Variants in S1PR1 observed in about 807,000 individuals in gnomAD.
The protein encoded by S1PR1 is sphingosine 1-phosphate receptor 1.
Under a neutral mutation model 18.3 loss-of-function variants are expected in S1PR1, and 2 were observed. The observed-to-expected ratio is 0.11, with a 90% CI of 0.04 to 0.34. S1PR1 has a LOEUF of 0.34. S1PR1 is among the 10% of genes least tolerant of loss of function. The pLI is 1.00. For synonymous variants in S1PR1, 222 were observed against 211.2 expected, an observed-to-expected ratio of 1.05 and a Z score of -0.44; for missense variants, 335 against 493.8, an observed-to-expected ratio of 0.68 and a Z score of 3.05.
chr1:101,239,806 C>T lies in S1PR1; in HGVS notation c.822C>T (p.Ile274=), dbSNP rs1169278619. The change falls in exon 2 of 2, where the codon ATC becomes ATT. Residue 274 remains isoleucine (I), a synonymous_variant. Transcript: ENST00000305352. This position sits in a 1 kb window ranked among gnomAD's most constrained non-coding sequence, Gnocchi z 6.3. The part of the protein sequence containing the change: ...VFIACWAPLF[I]LLLLDVGCKV... Reference sequence around the variant, plus strand: ...TCGCCTGCTGGGCACCGCTCTTCATCCTGCTCCTGCTGGATGTGGGCTGCA... The same window carrying T: ...TCGCCTGCTGGGCACCGCTCTTCATTCTGCTCCTGCTGGATGTGGGCTGCA... The T allele has an allele frequency of 6.2e-7, 1 of 1,613,660 alleles. No individual in the cohort carries two copies. Among genetic ancestry groups the T allele is most frequent in the Non-Finnish European group, 8.5e-7 (1 of 1,180,040 alleles).
At chr1:101,237,201 A>C (rs962268121) in intron 1 of S1PR1, 102 bp downstream of exon 1, 3 of 152,274 alleles carry the variant, frequency 2.0e-5, no homozygotes, top group Non-Finnish European at 4.4e-5. Context: ...GGCAAACAAA[A>C]ACTTAGAAAA....
rs761453380 is a variant in S1PR1 at position 101,239,676 on chromosome 1, G to A, written c.692G>A (p.Arg231Gln). The change falls in exon 2 of 2, where the codon CGG (arginine) becomes CAG (glutamine). Residue 231 changes from arginine to glutamine, a missense_variant. Around this residue, in one of 3 missense-constraint regions of S1PR1, gnomAD observed 214 missense variants for 366.6 expected, o/e 0.58. Transcript: ENST00000305352. The surrounding 1 kb of genome is among the most constrained non-coding windows in gnomAD (Gnocchi z 6.3). Reference protein sequence around the residue: ...YCRIYSLVRTRSRRLTFRKNI... With the variant: ...YCRIYSLVRTQSRRLTFRKNI... The stretch of plus-strand genomic sequence containing the variant: ...AGAATCTACTCCTTGGTCAGGACTC[G>A]GAGCCGCCGCCTGACGTTCCGCAAG... 2 of 1,614,028 alleles carry A rather than the reference G, an allele frequency of 1.2e-6. No homozygotes were observed. Among genetic ancestry groups the A allele is most frequent in the South Asian group, 1.1e-5 (1 of 91,060 alleles).
Position 101,238,802 on chromosome 1 carries a change from TC to T in S1PR1, c.-163-19del. 1 of 608,002 alleles carries T rather than the reference TC, an allele frequency of 1.6e-6. No homozygotes were observed. Among genetic ancestry groups the T allele is most frequent in the Non-Finnish European group, 2.9e-6 (1 of 346,164 alleles). The allele number at this position is 608,002 out of a possible 1,614,324, so 37.7% of individuals were successfully genotyped here. A position where few individuals can be genotyped will look rare whatever the true frequency, so the allele number is the denominator to read the frequency against. Reference sequence around the variant, plus strand: ...TATGCTGTGGCTCTTTCCCTGACTCTCTCCTCTGACTTGTTTAAGGCTGCGG... The same window carrying T: ...TATGCTGTGGCTCTTTCCCTGACTCTTCCTCTGACTTGTTTAAGGCTGCGG... On this transcript the variant is annotated intron_variant, in intron 1 of 1. Coordinates refer to ENST00000305352, the MANE Select transcript of S1PR1 (RefSeq NM_001400.5).
rs1220803540 is a variant in S1PR1, at chr1:101,241,378, T to C, written c.*1245T>C. On this transcript the variant is annotated 3_prime_UTR_variant, in exon 2 of 2. Transcript: ENST00000305352. ...TAAAAATATATTACTGTCTCTTTAG[T>C]ATGGTTTTCAGTGCAATTAAACCGA... 1 of 167,232 alleles carries C rather than the reference T, an allele frequency of 6.0e-6. No homozygotes were observed. The highest frequency in any genetic ancestry group is 1.5e-5 in the Non-Finnish European group (1 of 68,122). 10.4% of individuals were successfully genotyped at this position (167,232 alleles called of 1,614,324 possible). A position where few individuals can be genotyped will look rare whatever the true frequency, so the allele number is the denominator to read the frequency against.
Position 101,239,322 on chromosome 1 carries a change from C to T in S1PR1, c.338C>T (p.Thr113Ile), listed in dbSNP as rs926386101. 6.2e-7 allele frequency: 1 copy of T among 1,614,106 alleles called. No individual in the cohort carries two copies. Among genetic ancestry groups the T allele is most frequent in the African/African-American group, 1.3e-5 (1 of 74,938 alleles). Residue 113 changes from threonine to isoleucine, a missense_variant, in exon 2 of 2, where the codon ACT (threonine) becomes ATT (isoleucine). Around this residue, in one of 3 missense-constraint regions of S1PR1, gnomAD observed 214 missense variants for 366.6 expected, o/e 0.58. Coordinates refer to ENST00000305352, the MANE Select transcript of S1PR1 (RefSeq NM_001400.5). This position sits in a 1 kb window ranked among gnomAD's most constrained non-coding sequence, Gnocchi z 6.3. ...TCTGGGGCCACCACCTACAAGCTCA[C>T]TCCCGCCCAGTGGTTTCTGCGGGAA... ...LLSGATTYKLTPAQWFLREGS... is the reference protein window; with the variant it reads ...LLSGATTYKLIPAQWFLREGS...
At chr1:101,242,008 T>G (rs975028568), downstream of S1PR1, among the ~76,000 whole-genome samples, 53 of 87,136 alleles carry the variant, frequency 6.1e-4, no homozygotes, top group African/African-American at 1.8e-3. Flanking sequence ...AATCATGTGT[T>G]TTTTTTTTTT....
Position 101,239,878 on chromosome 1 carries a change from G to A in S1PR1, c.894G>A (p.Val298=), listed in dbSNP as rs4987251. 9.4e-5 allele frequency: 152 copies of A among 1,613,810 alleles called. No homozygotes were observed. The East Asian group carries it at 3.2e-3, about 34-fold the overall frequency. ...DILFRAEYFL[V]LAVLNSGTNP... ...TCTTCAGAGCGGAGTACTTCCTGGT[G>A]TTAGCTGTGCTCAACTCCGGCACCA... The change falls in exon 2 of 2, where the codon GTG becomes GTA. Residue 298 remains valine, a synonymous_variant. Transcript: ENST00000305352. The surrounding 1 kb of genome is among the most constrained non-coding windows in gnomAD (Gnocchi z 6.3).
intron 1 of S1PR1, chr1:101,238,006 T>TG (rs1244910227): frequency 8.7e-3 from 24 of 2,760 alleles, no homozygotes; most frequent in Middle Eastern, 0.33. Flanking sequence ...GGGGGTGGGG[T>TG]GGGGGGGCGC....
Position 101,240,124 on chromosome 1 carries a change from T to C in S1PR1, c.1140T>C (p.Ser380=). The change falls in exon 2 of 2, where the codon TCT becomes TCC. Residue 380 remains serine, a synonymous_variant. Coordinates refer to ENST00000305352, the MANE Select transcript of S1PR1 (RefSeq NM_001400.5). ...TTATGTCTTCTGGAAACGTCAACTC[T>C]TCTTCCTAGAACTGGAAGCTGTCCA... ...ETIMSSGNVN[S]SS is the part of the protein sequence containing the mutation. The C allele has an allele frequency of 1.2e-6, 2 of 1,613,080 alleles. No individual in the cohort carries two copies. Among genetic ancestry groups the C allele is most frequent in the Middle Eastern group, 1.6e-4 (1 of 6,062 alleles).
Position 101,240,165 on chromosome 1 carries a change from C to CT in S1PR1, c.*35dup. On this transcript the variant is annotated 3_prime_UTR_variant, in exon 2 of 2. Transcript: ENST00000305352. ...AAGCTGTCCACCCACCGGAAGCGCT[C>CT]TTTACTTGGTCGCTGGCCACCCCAG... The CT allele has an allele frequency of 6.2e-7, 1 of 1,611,012 alleles. No individual in the cohort carries two copies. Among genetic ancestry groups the CT allele is most frequent in the South Asian group, 1.1e-5 (1 of 90,870 alleles).
chr1:101,240,356 C>T lies in S1PR1; in HGVS notation c.*223C>T, dbSNP rs983182258. 4 of 605,300 alleles carry T rather than the reference C, an allele frequency of 6.6e-6. No homozygotes were observed. The highest frequency in any genetic ancestry group is 1.2e-5 in the Non-Finnish European group (4 of 332,310). The allele number at this position is 605,300 out of a possible 1,614,324, so 37.5% of individuals were successfully genotyped here. ...GGAAGGGTGGAGATCAGGTCCCGGC[C>T]TGGAATATATTTTCTACCCCCCTGG... is the stretch of plus-strand genomic sequence containing the variant. On this transcript the variant is annotated 3_prime_UTR_variant, in exon 2 of 2. Coordinates refer to ENST00000305352, the MANE Select transcript of S1PR1 (RefSeq NM_001400.5).
In S1PR1 at chr1:101,241,513, T is replaced by A. The variant is rs1652908227; in HGVS notation, c.*1380T>A. On this transcript the variant is annotated 3_prime_UTR_variant, in exon 2 of 2. Transcript: ENST00000305352. Reference sequence around the variant, plus strand: ...TTAAACATTAATAAACTGATTTTTTTAAAGATCCCTTTGTGAAGAGCATTC... The same window carrying A: ...TTAAACATTAATAAACTGATTTTTTAAAAGATCCCTTTGTGAAGAGCATTC... The A allele has an allele frequency of 6.0e-6, 1 of 167,146 alleles. No individual in the cohort carries two copies. The highest frequency in any genetic ancestry group is 2.1e-4 in the South Asian group (1 of 4,830). The allele number at this position is 167,146 out of a possible 1,614,324, so 10.4% of individuals were successfully genotyped here.
In S1PR1 at chr1:101,239,167, G is replaced by T. The variant is rs372959160; in HGVS notation, c.183G>T (p.Leu61=). Residue 61 remains leucine, a synonymous_variant, in exon 2 of 2, where the codon CTG becomes CTT. Coordinates refer to ENST00000305352, the MANE Select transcript of S1PR1 (RefSeq NM_001400.5). The surrounding 1 kb of genome is among the most constrained non-coding windows in gnomAD (Gnocchi z 6.3). Reference sequence around the variant, plus strand: ...TTCTCATCTGCTGCTTTATCATCCTGGAGAACATCTTTGTCTTGCTGACCA... The same window carrying T: ...TTCTCATCTGCTGCTTTATCATCCTTGAGAACATCTTTGTCTTGCTGACCA... The part of the protein sequence containing the change: ...VFILICCFII[L]ENIFVLLTIW... The T allele has an allele frequency of 2.2e-5, 35 of 1,614,094 alleles. No homozygotes were observed. The African/African-American group carries it at 4.5e-4, about 21-fold the overall frequency.
At chr1:101,238,032 G>C (rs1652763918) in intron 1 of S1PR1, 1 of 150,150 alleles carries the variant, frequency 6.7e-6, no homozygotes, top group Admixed American at 6.6e-5. Context: ...GAGGCGGGGA[G>C]AATAAGAAGA....
Position 101,239,597 on chromosome 1 carries a change from T to C in S1PR1, c.613T>C (p.Phe205Leu), listed in dbSNP as rs1223284736. 1.2e-6 allele frequency: 2 copies of C among 1,614,072 alleles called. No homozygotes were observed. The highest frequency in any genetic ancestry group is 1.7e-5 in the Admixed American group (1 of 60,024). Residue 205 changes from phenylalanine (F) to leucine (L), a missense_variant, in exon 2 of 2, where the codon TTC becomes CTC. Phe to Leu is a conservative substitution (Grantham distance 22). This residue lies in a region of S1PR1 where 214 missense variants were observed against 366.6 expected (regional missense o/e 0.58). Coordinates refer to ENST00000305352, the MANE Select transcript of S1PR1 (RefSeq NM_001400.5). This position sits in a 1 kb window ranked among gnomAD's most constrained non-coding sequence, Gnocchi z 6.3. ...GCTCTACCACAAGCACTATATCCTC[T>C]TCTGCACCACGGTCTTCACTCTGCT... Reference protein sequence around the residue: ...LPLYHKHYILFCTTVFTLLLL... With the variant: ...LPLYHKHYILLCTTVFTLLLL...
In S1PR1 at chr1:101,240,122, T is replaced by G; in HGVS notation, c.1138T>G (p.Ser380Ala). 1 of 1,613,014 alleles carries G rather than the reference T, an allele frequency of 6.2e-7. No homozygotes were observed. Among genetic ancestry groups the G allele is most frequent in the Non-Finnish European group, 8.5e-7 (1 of 1,180,012 alleles). The part of the protein sequence containing the change: ...ETIMSSGNVN[S>A]SS ...CATTATGTCTTCTGGAAACGTCAAC[T>G]CTTCTTCCTAGAACTGGAAGCTGTC... is the stretch of plus-strand genomic sequence containing the variant. The change falls in exon 2 of 2, where the codon TCT becomes GCT. Residue 380 changes from serine (S) to alanine (A), a missense_variant. Ser to Ala is a moderately conservative substitution (Grantham distance 99). Transcript: ENST00000305352.
chr1:101,238,682 A>AT, intron 1 of S1PR1, 140 bp from the exon 2 acceptor site: 1 of 341,006 alleles, frequency 2.9e-6, no homozygotes, highest in East Asian at 4.6e-5. Context: ...ATTTTTAAAA[A>AT]AAATCTCTCT....
At chr1:101,241,860 A>G (rs1652922556), downstream of S1PR1, among the ~76,000 whole-genome samples, 1 of 152,226 alleles carries the variant, frequency 6.6e-6, no homozygotes, top group African/African-American at 2.4e-5. Flanking sequence ...GCTTTTAAAG[A>G]AATTATACAC....
At chr1:101,237,404 G>A (rs1028324259) in intron 1 of S1PR1, among the ~76,000 whole-genome samples, 2 of 152,164 alleles carry the variant, frequency 1.3e-5, no homozygotes, top group Non-Finnish European at 2.9e-5. Context: ...TTAAATTTTG[G>A]AAATCCTATA....
Sources: allele counts gnomAD v4.1 joint callset (sites outside exome capture counted in the v4.1 genomes callset), GRCh38; gene constraint gnomAD v4.1.1; regional missense constraint gnomAD v4.1.1; non-coding constraint Gnocchi (gnomAD v3.1); transcripts MANE v1.5; gene names NCBI Gene and HGNC (gene_info 2026-07-23, HGNC 2026-07-21).